TAF4: variants seen among roughly 807,000 people sequenced by gnomAD.
The protein encoded by TAF4 is TATA-box binding protein associated factor 4.
A neutral mutation model predicts 90.3 loss-of-function variants in TAF4; 9 were observed. That is an observed-to-expected ratio of 0.10 (90% CI 0.06 to 0.17). The LOEUF is 0.17. Among genes scored for constraint, TAF4 ranks in the 10% least tolerant of loss-of-function variants. The probability of loss-of-function intolerance (pLI) is 1.00; values close to 1 mark genes in which losing one functional copy is unlikely to be tolerated. For missense variants in TAF4, 1,351 were observed against 1,370.7 expected, an observed-to-expected ratio of 0.99 and a Z score of 0.23; for synonymous variants, 818 against 638.9, an observed-to-expected ratio of 1.28 and a Z score of -4.23.
In TAF4 at chr20:61,996,966, A is replaced by T. The variant is rs183486790; in HGVS notation, c.3090+584T>A. On this transcript the variant is annotated intron_variant, in intron 14 of 14. Coordinates refer to ENST00000252996, the MANE Select transcript of TAF4 (RefSeq NM_003185.4). The stretch of plus-strand genomic sequence containing the variant: ...AGACCCACGGGAAGGAATGAAGAGT[A>T]CCGGAGATGGCAAATAAGGAGGGAA... 4.1e-3 allele frequency among the ~76,000 whole-genome samples: 629 copies of T among 152,308 alleles called. 1 individual carries two copies. The highest frequency in any genetic ancestry group is 6.8e-3 in the Middle Eastern group (2 of 294).
At chr20:62,031,143 A>G (rs974325903) in intron 1 of TAF4, among the ~76,000 whole-genome samples, 2 of 152,130 alleles carry the variant, frequency 1.3e-5, no homozygotes, top group African/African-American at 4.8e-5. Context: ...CCTGGTTTCT[A>G]ATTTTCTCAG....
At chr20:61,989,079 T>A (rs2123108469) in intron 14 of TAF4, among the ~76,000 whole-genome samples, 1 of 152,102 alleles carries the variant, frequency 6.6e-6, no homozygotes, top group Admixed American at 6.5e-5. Flanking sequence ...TAGACAAGGA[T>A]GGGGGCGGCT....
At chr20:62,032,738 C>T (rs931013130) in intron 1 of TAF4, among the ~76,000 whole-genome samples, 10 of 152,208 alleles carry the variant, frequency 6.6e-5, no homozygotes, top group African/African-American at 2.2e-4. Flanking sequence ...TTCAGACAAC[C>T]TCACTTATCA....
intron 1 of TAF4, 118 bp downstream of exon 1, chr20:62,064,333 C>G (rs1006940603): frequency 1.7e-6 from 2 of 1,185,728 alleles, no homozygotes; most frequent in African/African-American, 3.2e-5. Flanking sequence ...TCGGCCTGCT[C>G]CAGCCACGGG....
At chr20:62,051,321 C>T (rs11204458) in intron 1 of TAF4, among the ~76,000 whole-genome samples, 83,661 of 152,052 alleles carry the variant, frequency 0.55, 23,459 homozygotes, top group Middle Eastern at 0.67. Flanking sequence ...CGTGGGACAC[C>T]GGGGGTTCTG....
chr20:62,055,368 C>T (rs1396005694), intron 1 of TAF4, among the ~76,000 whole-genome samples: 5 of 151,974 alleles, frequency 3.3e-5, no homozygotes, highest in East Asian at 1.9e-4. Context: ...ACACTGCCTG[C>T]GGGCAGTCCT....
chr20:62,054,848 T>G (rs2056051473), intron 1 of TAF4, among the ~76,000 whole-genome samples: 1 of 152,086 alleles, frequency 6.6e-6, no homozygotes, highest in Non-Finnish European at 1.5e-5. Context: ...GACCCTGGCC[T>G]GTGCCAGCTG....
chr20:61,975,576 A>G lies in TAF4; in HGVS notation c.*592T>C, dbSNP rs1034750486. ...TCGGCCTCTACCAAGCAGAAATGCG[A>G]TTACACTCTGAGGTGGGGGTGCAAC... On this transcript the variant is annotated 3_prime_UTR_variant, in exon 15 of 15. Transcript: ENST00000252996. 3 of 145,838 alleles carry G rather than the reference A, an allele frequency of 2.1e-5. No homozygotes were observed. Among genetic ancestry groups the G allele is most frequent in the African/African-American group, 7.6e-5 (3 of 39,694 alleles). The allele number at this position is 145,838 out of a possible 1,614,324, so 9.0% of individuals were successfully genotyped here.
chr20:62,051,824 G>A (rs369434753), intron 1 of TAF4, among the ~76,000 whole-genome samples: 22 of 152,306 alleles, frequency 1.4e-4, no homozygotes, highest in African/African-American at 5.3e-4. Context: ...TACCTCAGGG[G>A]CGTCCCGGGT....
At position 62,009,066 on chromosome 20, in the gene TAF4, C is replaced by T; in HGVS notation, c.1870G>A (p.Val624Met). 1 of 1,613,026 alleles carries T rather than the reference C, an allele frequency of 6.2e-7. No homozygotes were observed. Residue 624 changes from valine (V) to methionine (M), a missense_variant, in exon 5 of 15, where the codon GTG (valine) becomes ATG (methionine). Physicochemically the swap from Val to Met is conservative, Grantham distance 21 (BLOSUM62 1). This residue lies in a region of TAF4 where 44 missense variants were observed against 97.4 expected (regional missense o/e 0.45). Transcript: ENST00000252996. ...AGGTTTCTCACCAGTAAATTCTGCA[C>T]GAGCTCTTTCACATTAGCTGCTGTC... ...TETAANVKEL[V>M]QNLLDGKIEA... is the part of the protein sequence containing the mutation.
At chr20:62,041,447 G>A (rs1306132514) in intron 1 of TAF4, among the ~76,000 whole-genome samples, 1 of 152,066 alleles carries the variant, frequency 6.6e-6, no homozygotes, top group East Asian at 1.9e-4. Flanking sequence ...GGCTAACAGG[G>A]TGAAACCCCA....
At chr20:62,008,191 T>C (rs1319021000) in intron 5 of TAF4, 1 of 152,480 alleles carries the variant, frequency 6.6e-6, no homozygotes, top group Non-Finnish European at 1.5e-5. Context: ...CCAGATCCTG[T>C]TTCAGAAACA....
rs534110044 is a variant in TAF4 at position 61,979,750 on chromosome 20, T to C, written c.3091-3415A>G. 8.2e-5 allele frequency among the ~76,000 whole-genome samples: 12 copies of C among 146,244 alleles called. No homozygotes were observed. The East Asian group carries it at 2.5e-3, about 31-fold the overall frequency. On this transcript the variant is annotated intron_variant, in intron 14 of 14. Coordinates refer to ENST00000252996, the MANE Select transcript of TAF4 (RefSeq NM_003185.4). ...GGCGCGGTGGCCACTCCAGAGGTAC[T>C]GCGGCATGTGCAGGCGCCGTGGCCA... is the stretch of plus-strand genomic sequence containing the variant.
chr20:62,032,809 C>A (rs1437112287), intron 1 of TAF4, among the ~76,000 whole-genome samples: 1 of 152,166 alleles, frequency 6.6e-6, no homozygotes, highest in Non-Finnish European at 1.5e-5. Context: ...CCAACCAGCA[C>A]ACACTGGGCA....
Position 62,047,455 on chromosome 20 carries a change from G to T in TAF4, c.1360+16996C>A, listed in dbSNP as rs577341152. Among the ~76,000 whole-genome samples, 4 of 152,270 alleles carry T rather than the reference G, an allele frequency of 2.6e-5. No individual in the cohort carries two copies. In the South Asian group the frequency reaches 8.3e-4, roughly 32 times the overall value. On this transcript the variant is annotated intron_variant, in intron 1 of 14. Transcript: ENST00000252996. ...TGATGAATATTCGTGAGCTCCTTTAGAAGGAAGAGATCACACAGTCTCAGG... is the reference window on the plus strand; with the variant it reads ...TGATGAATATTCGTGAGCTCCTTTATAAGGAAGAGATCACACAGTCTCAGG...
chr20:62,010,059 G>A lies in TAF4; in HGVS notation c.1748C>T (p.Ser583Phe). 1 of 1,613,552 alleles carries A rather than the reference G, an allele frequency of 6.2e-7. No homozygotes were observed. ...QRTVPGATTTSSAATETMENV... is the reference protein window; with the variant it reads ...QRTVPGATTTFSAATETMENV... ...AGTGGCTCTTACCGTGGCAGCTGAGGAAGTGGTGGTCGCCCCTGGTACCGT... is the reference window on the plus strand; with the variant it reads ...AGTGGCTCTTACCGTGGCAGCTGAGAAAGTGGTGGTCGCCCCTGGTACCGT... Residue 583 changes from serine (S) to phenylalanine (F), a missense_variant, in exon 4 of 15, where the codon TCC becomes TTC. By Grantham distance (155) the Ser-to-Phe change is radical (BLOSUM62 -2). Around this residue, in one of 9 missense-constraint regions of TAF4, gnomAD observed 44 missense variants for 97.4 expected, o/e 0.45. Coordinates refer to ENST00000252996, the MANE Select transcript of TAF4 (RefSeq NM_003185.4). The surrounding 1 kb of genome is among the most constrained non-coding windows in gnomAD (Gnocchi z 4.5).
intron 14 of TAF4, among the ~76,000 whole-genome samples, chr20:61,995,582 A>AT (rs2055658271): frequency 5.2e-5 from 4 of 77,454 alleles, no homozygotes; most frequent in African/African-American, 2.5e-4. Context: ...AAAAAATTTG[A>AT]GCCGGGCGCG....
At chr20:61,977,694 G>A (rs58062464) in intron 14 of TAF4, among the ~76,000 whole-genome samples, 9,483 of 152,202 alleles carry the variant, frequency 0.062, 748 homozygotes, top group African/African-American at 0.19. Flanking sequence ...CCTGCCCGGG[G>A]TCCCTTTGCT....
intron 12 of TAF4, among the ~76,000 whole-genome samples, chr20:61,998,468 G>A (rs867385714): frequency 2.6e-5 from 4 of 152,158 alleles, no homozygotes; most frequent in African/African-American, 7.2e-5. Flanking sequence ...TGATGTGACC[G>A]CATGATGGCA....
Sources: gnomAD v4.1 joint callset for allele counts (sites outside exome capture counted in the v4.1 genomes callset) on GRCh38, gnomAD v4.1.1 for gene constraint, gnomAD v4.1.1 regional missense constraint, Gnocchi (gnomAD v3.1) non-coding constraint, MANE v1.5 for transcripts, NCBI Gene and HGNC (gene_info 2026-07-23, HGNC 2026-07-21) for gene names.